Variants in RASA2 observed in about 807,000 individuals in gnomAD.
RASA2 encodes the protein RAS p21 protein activator 2, also known as ras GTPase-activating protein 2.
In RASA2, 155 loss-of-function variants were observed where a neutral mutation model predicts 118.2. The observed-to-expected ratio is 1.31, with a 90% CI of 1.15 to 1.50. The LOEUF is 1.50. Among genes scored for constraint, RASA2 ranks in the 40% most tolerant of loss-of-function variants. The probability of loss-of-function intolerance (pLI) is 0.00; values close to 1 mark genes in which losing one functional copy is unlikely to be tolerated. For synonymous variants in RASA2, 353 were observed against 349.1 expected (o/e 1.01, Z -0.12); for missense variants, 1,016 against 1,009.6 (o/e 1.01, Z -0.09).
At chr3:141,525,287 A>T (rs562968490) in intron 3 of RASA2, 3 of 151,580 alleles carry the variant, frequency 2.0e-5, no homozygotes, top group African/African-American at 7.3e-5. Context: ...ACTTTAAATG[A>T]TTTGTTGGGA....
At chr3:141,546,545 C>A (rs2082488494) in intron 5 of RASA2, among the ~76,000 whole-genome samples, 1 of 152,112 alleles carries the variant, frequency 6.6e-6, no homozygotes, top group Middle Eastern at 3.2e-3. Flanking sequence ...TTATTATATT[C>A]TTTTCCCGTA....
chr3:141,601,646 T>G (rs1329657115), intron 19 of RASA2, among the ~76,000 whole-genome samples: 1 of 151,810 alleles, frequency 6.6e-6, no homozygotes, highest in Non-Finnish European at 1.5e-5. Flanking sequence ...TTTTTTAATA[T>G]GATGACCATA....
rs751590903 is a variant in RASA2, at chr3:141,586,107, AT to A, written c.1826+10del. ...GTGCACCTGAAAGAAGGGTAATTTA[AT>A]CAAATTAGACGTGAAAGTCATATAT... On this transcript the variant is annotated intron_variant, in intron 18 of 23. Coordinates refer to ENST00000286364, the MANE Select transcript of RASA2 (RefSeq NM_006506.5). The A allele has an allele frequency of 8.2e-6, 13 of 1,585,824 alleles. No homozygotes were observed. The highest frequency in any genetic ancestry group is 1.1e-5 in the Non-Finnish European group (13 of 1,155,118).
intron 4 of RASA2, among the ~76,000 whole-genome samples, chr3:141,530,897 TTTAAA>T (rs1383842187): frequency 2.0e-5 from 3 of 152,136 alleles, no homozygotes; most frequent in Non-Finnish European, 4.4e-5. Context: ...GTGGAAAGTG[TTTAAA>T]TTAAAAGGCA....
At position 141,556,473 on chromosome 3, in the gene RASA2, CT is replaced by C. The variant is rs34990236; in HGVS notation, c.684+571del. ...CTTTATGATTACAGCTTTATTATTA[CT>C]TTTTTTTTTAAGCCTAATTCATTCT... On this transcript the variant is annotated intron_variant, in intron 7 of 23. Coordinates refer to ENST00000286364, the MANE Select transcript of RASA2 (RefSeq NM_006506.5). 4.2e-3 allele frequency among the ~76,000 whole-genome samples: 623 copies of C among 149,716 alleles called. 2 individuals carry two copies. Among genetic ancestry groups the C allele is most frequent in the Non-Finnish European group, 6.8e-3 (460 of 67,172 alleles).
intron 19 of RASA2, chr3:141,600,504 G>A (rs528343310): frequency 3.8e-5 from 12 of 319,222 alleles, no homozygotes; most frequent in South Asian, 2.0e-4. Flanking sequence ...CAGCCTTCAT[G>A]CAGGTGGCCA....
chr3:141,551,256 T>C (rs2082571019), intron 5 of RASA2, among the ~76,000 whole-genome samples: 1 of 152,228 alleles, frequency 6.6e-6, no homozygotes, highest in East Asian at 1.9e-4. Flanking sequence ...CTTTTAACTT[T>C]TGTTAAACAG....
At chr3:141,603,748 T>G (rs1577825878) in intron 19 of RASA2, among the ~76,000 whole-genome samples, 1 of 152,056 alleles carries the variant, frequency 6.6e-6, no homozygotes, top group Non-Finnish European at 1.5e-5. Context: ...CACTCCCCAT[T>G]CCTCCCTTCT....
At position 141,572,740 on chromosome 3, in the gene RASA2, C is replaced by A; in HGVS notation, c.1284+17C>A. 1.3e-6 allele frequency: 2 copies of A among 1,508,118 alleles called. No individual in the cohort carries two copies. Among genetic ancestry groups the A allele is most frequent in the Non-Finnish European group, 1.8e-6 (2 of 1,095,576 alleles). 93.4% of individuals were successfully genotyped at this position (1,508,118 alleles called of 1,614,324 possible). ...CTTGATGAGGTACAGAATATATCTCCAACAATGATAGTTTGTGGCCTTATG... is the reference window on the plus strand; with the variant it reads ...CTTGATGAGGTACAGAATATATCTCAAACAATGATAGTTTGTGGCCTTATG... On this transcript the variant is annotated intron_variant, in intron 12 of 23. Transcript: ENST00000286364.
chr3:141,586,887 A>G (rs752805059), intron 19 of RASA2, 135 bp downstream of exon 19: 22 of 744,754 alleles, frequency 3.0e-5, no homozygotes, highest in Non-Finnish European at 5.0e-5. Flanking sequence ...ATACATACGT[A>G]CTAAGAATGA....
At chr3:141,501,463 C>T (rs554744022) in intron 1 of RASA2, among the ~76,000 whole-genome samples, 4 of 152,304 alleles carry the variant, frequency 2.6e-5, no homozygotes, top group South Asian at 2.1e-4. Context: ...TTGTGCCAAG[C>T]GCTTTACCTT....
intron 4 of RASA2, among the ~76,000 whole-genome samples, chr3:141,533,913 A>C (rs1245362727): frequency 6.6e-6 from 1 of 152,176 alleles, no homozygotes; most frequent in Non-Finnish European, 1.5e-5. Context: ...AGTCTAGTGG[A>C]CATTTTTCAG....
intron 1 of RASA2, among the ~76,000 whole-genome samples, chr3:141,489,627 G>A (rs576952635): frequency 6.6e-6 from 1 of 152,286 alleles, no homozygotes; most frequent in African/African-American, 2.4e-5. Context: ...TGTAGGGGCT[G>A]AAAATTAGCC....
chr3:141,526,630 C>CT (rs1265224153), intron 3 of RASA2, among the ~76,000 whole-genome samples: 1 of 152,146 alleles, frequency 6.6e-6, no homozygotes, highest in Middle Eastern at 3.2e-3. Context: ...ATCATTTTCT[C>CT]TAACTTTGTG....
At chr3:141,524,919 C>T (rs1299451576) in intron 3 of RASA2, among the ~76,000 whole-genome samples, 1 of 152,012 alleles carries the variant, frequency 6.6e-6, no homozygotes, top group Non-Finnish European at 1.5e-5. Context: ...CTCTTTTAGC[C>T]ATTTCTGCTA....
intron 3 of RASA2, among the ~76,000 whole-genome samples, chr3:141,527,358 T>G (rs2082199697): frequency 6.6e-6 from 1 of 152,088 alleles, no homozygotes; most frequent in African/African-American, 2.4e-5. Flanking sequence ...GTAAGTAAAC[T>G]CTCTTAAAAT....
intron 3 of RASA2, among the ~76,000 whole-genome samples, chr3:141,523,431 C>T (rs931183030): frequency 5.3e-5 from 8 of 152,200 alleles, no homozygotes; most frequent in South Asian, 4.1e-4. Flanking sequence ...CTTTTGACCA[C>T]TGCCTCCTCC....
intron 3 of RASA2, among the ~76,000 whole-genome samples, chr3:141,520,768 C>T (rs1470450382): frequency 2.6e-5 from 4 of 151,922 alleles, no homozygotes; most frequent in Admixed American, 1.3e-4. Context: ...CTATATACAT[C>T]GAGTTTGTAG....
At chr3:141,560,503 T>C (rs1278527562) in intron 9 of RASA2, among the ~76,000 whole-genome samples, 1 of 152,184 alleles carries the variant, frequency 6.6e-6, no homozygotes, top group African/African-American at 2.4e-5. Flanking sequence ...TAAGGTCTTA[T>C]GTTGTTGAGC....
Sources: gnomAD v4.1 joint callset for allele counts (sites outside exome capture counted in the v4.1 genomes callset) on GRCh38, gnomAD v4.1.1 for gene constraint, MANE v1.5 for transcripts, NCBI Gene and HGNC (gene_info 2026-07-23, HGNC 2026-07-21) for gene names.